ACSL1: variants seen among roughly 807,000 people sequenced by gnomAD.
The protein encoded by ACSL1 is long-chain-fatty-acid--CoA ligase 1.
In ACSL1, 41 loss-of-function variants were observed where a neutral mutation model predicts 98.4. The ratio of observed to expected loss-of-function variants is 0.42; its 90% CI spans 0.32 to 0.54. ACSL1 has a LOEUF of 0.54. Ranked by LOEUF, ACSL1 falls within the 20% of genes least tolerant of loss-of-function variation. The pLI, the probability that ACSL1 is intolerant of heterozygous loss-of-function variation, is 0.13. For missense variants in ACSL1, 734 were observed against 883.1 expected (o/e 0.83, Z 2.14); for synonymous variants, 316 against 322.7 (o/e 0.98, Z 0.22).
intron 1 of ACSL1, among the ~76,000 whole-genome samples, chr4:184,810,653 A>G (rs1320998585): frequency 1.3e-5 from 2 of 152,220 alleles, no homozygotes; most frequent in African/African-American, 2.4e-5. Flanking sequence ...CAAGGCTACT[A>G]GAAGTGCCTC....
At chr4:184,811,064 G>A (rs1772015306) in intron 1 of ACSL1, among the ~76,000 whole-genome samples, 1 of 152,120 alleles carries the variant, frequency 6.6e-6, no homozygotes, top group Non-Finnish European at 1.5e-5. Context: ...TAAACAGAGG[G>A]CATAGGTGAC....
At chr4:184,772,160 A>G (rs1764608199) in intron 10 of ACSL1, among the ~76,000 whole-genome samples, 1 of 152,236 alleles carries the variant, frequency 6.6e-6, no homozygotes, top group Admixed American at 6.5e-5. Context: ...TTGAAGGCCA[A>G]TTAGGAAATT....
intron 2 of ACSL1, among the ~76,000 whole-genome samples, chr4:184,800,796 A>G (rs896540793): frequency 2.6e-5 from 4 of 152,098 alleles, no homozygotes; most frequent in African/African-American, 9.7e-5. Flanking sequence ...CCTGTTCTCT[A>G]ATTTAGGTCT....
intron 1 of ACSL1, among the ~76,000 whole-genome samples, chr4:184,819,555 G>A (rs1442352724): frequency 6.6e-6 from 1 of 152,116 alleles, no homozygotes; most frequent in African/African-American, 2.4e-5. Context: ...CCAGGACACA[G>A]GAAGGTCAGT....
In ACSL1 at chr4:184,820,324, C is replaced by T. The variant is rs149077954; in HGVS notation, c.-33+5592G>A. 8.2e-3 allele frequency among the ~76,000 whole-genome samples: 1,251 copies of T among 152,076 alleles called. 22 individuals carry two copies. The highest frequency in any genetic ancestry group is 0.029 in the African/African-American group (1,199 of 41,514). On this transcript the variant is annotated intron_variant, in intron 1 of 20. Transcript: ENST00000281455. ...GAGCCACTGCACCCGGCCAGTCATG[C>T]GTCTCAATTGTTCTCCAGCCTTACA... is the stretch of plus-strand genomic sequence containing the variant.
chr4:184,783,733 C>T (rs142591239), intron 4 of ACSL1, among the ~76,000 whole-genome samples, 194 bp downstream of exon 4: 1 of 152,350 alleles, frequency 6.6e-6, no homozygotes, highest in East Asian at 1.9e-4. Flanking sequence ...CTTTGAACCA[C>T]CTGTTAAATT....
intron 11 of ACSL1, 34 bp downstream of exon 11, chr4:184,770,361 TACAC>T: frequency 6.2e-7 from 1 of 1,608,478 alleles, no homozygotes; most frequent in Non-Finnish European, 8.5e-7. Flanking sequence ...TAGCAGAACA[TACAC>T]AAACAAGCAA....
intron 1 of ACSL1, among the ~76,000 whole-genome samples, chr4:184,804,087 C>T (rs554700639): frequency 3.9e-5 from 6 of 152,296 alleles, no homozygotes; most frequent in South Asian, 2.1e-4. Flanking sequence ...ACTCCTCACA[C>T]GACAACAGTG....
At position 184,764,900 on chromosome 4, in the gene ACSL1, T is replaced by G; in HGVS notation, c.1385A>C (p.Glu462Ala). Residue 462 changes from glutamate (E) to alanine (A), a missense_variant, in exon 15 of 21, where the codon GAG becomes GCG. Transcript: ENST00000281455. ...CQFYEGYGQTECTAGCCLTMP... is the reference protein window; with the variant it reads ...CQFYEGYGQTACTAGCCLTMP... Reference sequence around the variant, plus strand: ...GGTCAGGCAGCACCCGGCAGTGCACTCTGTCTGTCCGTATCCTTCATAAAA... The same window carrying G: ...GGTCAGGCAGCACCCGGCAGTGCACGCTGTCTGTCCGTATCCTTCATAAAA... The G allele has an allele frequency of 6.2e-7, 1 of 1,613,978 alleles. No individual in the cohort carries two copies. The highest frequency in any genetic ancestry group is 1.1e-5 in the South Asian group (1 of 91,070).
intron 1 of ACSL1, chr4:184,808,533 C>T (rs1438544105): frequency 3.1e-6 from 3 of 983,172 alleles, no homozygotes; most frequent in Non-Finnish European, 2.4e-6. Flanking sequence ...CAAGATGCTG[C>T]CATTCCGTGC....
At chr4:184,805,382 T>TA (rs1771259963) in intron 1 of ACSL1, 1 of 702,948 alleles carries the variant, frequency 1.4e-6, no homozygotes, top group Non-Finnish European at 1.7e-6. Flanking sequence ...TGAATCCATG[T>TA]AAGTGTACTC....
In ACSL1 at chr4:184,757,569, C is replaced by T; in HGVS notation, c.1956+66G>A. 6.9e-7 allele frequency: 1 copy of T among 1,447,680 alleles called. No homozygotes were observed. The highest frequency in any genetic ancestry group is 1.9e-5 in the Admixed American group (1 of 53,368). The allele number at this position is 1,447,680 out of a possible 1,614,324, so 89.7% of individuals were successfully genotyped here. On this transcript the variant is annotated intron_variant, in intron 20 of 20. Coordinates refer to ENST00000281455, the MANE Select transcript of ACSL1 (RefSeq NM_001995.5). This position sits in a 1 kb window ranked among gnomAD's most constrained non-coding sequence, Gnocchi z 4.5. ...TCACCCCATATGTTTATATAATCTACCTGTAAAAAAATCTTAATGGAAAAT... is the reference window on the plus strand; with the variant it reads ...TCACCCCATATGTTTATATAATCTATCTGTAAAAAAATCTTAATGGAAAAT...
intron 4 of ACSL1, among the ~76,000 whole-genome samples, chr4:184,781,854 GC>G (rs1263481090): frequency 6.6e-6 from 1 of 152,196 alleles, no homozygotes; most frequent in South Asian, 2.1e-4. Flanking sequence ...CAGGTGATCT[GC>G]CCCCGTCGGC....
At chr4:184,822,378 C>T (rs1430467248) in intron 1 of ACSL1, among the ~76,000 whole-genome samples, 2 of 152,134 alleles carry the variant, frequency 1.3e-5, no homozygotes, top group African/African-American at 4.8e-5. Flanking sequence ...AATATTTCAC[C>T]CGCCCCTCTT....
chr4:184,803,471 AG>A lies in ACSL1; in HGVS notation c.43del (p.Leu15TrpfsTer37). 6.2e-7 allele frequency: 1 copy of A among 1,609,874 alleles called. No individual in the cohort carries two copies. Among genetic ancestry groups the A allele is most frequent in the East Asian group, 2.2e-5 (1 of 44,768 alleles). On this transcript the variant is annotated frameshift_variant, in exon 2 of 21. Coordinates refer to ENST00000281455, the MANE Select transcript of ACSL1 (RefSeq NM_001995.5). LOFTEE classifies it high-confidence loss of function. The surrounding 1 kb of genome is among the most constrained non-coding windows in gnomAD (Gnocchi z 4.8). ...ELFRYFRMPE[L>X]VDFRQYVRTL... Reference sequence around the variant, plus strand: ...ACGCACGTACTGTCGGAAGTCAACCAGCTCTGGCATTCGAAAATACCGGAAC... The same window carrying A: ...ACGCACGTACTGTCGGAAGTCAACCACTCTGGCATTCGAAAATACCGGAAC...
At chr4:184,783,892 G>A (rs542535013) in intron 4 of ACSL1, 35 bp downstream of exon 4, 5 of 1,583,134 alleles carry the variant, frequency 3.2e-6, no homozygotes, top group Admixed American at 1.7e-5. Context: ...CTGCTTGCAA[G>A]AGGAGTCCAC....
chr4:184,824,157 GCTCT>G (rs1773276567), intron 1 of ACSL1, among the ~76,000 whole-genome samples: 7 of 152,130 alleles, frequency 4.6e-5, no homozygotes, highest in Non-Finnish European at 1.0e-4. Flanking sequence ...ACAGAGTCCT[GCTCT>G]GTTGCCCAGT....
At chr4:184,792,207 A>G (rs1479296686) in intron 2 of ACSL1, among the ~76,000 whole-genome samples, 1 of 152,238 alleles carries the variant, frequency 6.6e-6, no homozygotes. Flanking sequence ...ATTAGCAATT[A>G]GAATAATGAG....
Position 184,757,736 on chromosome 4 carries a change from C to T in ACSL1, c.1885-30G>A, listed in dbSNP as rs569998364. The T allele has an allele frequency of 3.1e-6, 5 of 1,612,530 alleles. No homozygotes were observed. Among genetic ancestry groups the T allele is most frequent in the African/African-American group, 2.7e-5 (2 of 74,974 alleles). ...AAGGGTAAGAAAAATAAATTACTTC[C>T]TCTGTTAGAGGTCCCTGAATATCTA... is the stretch of plus-strand genomic sequence containing the variant. On this transcript the variant is annotated intron_variant, in intron 19 of 20. Transcript: ENST00000281455. The surrounding 1 kb of genome is among the most constrained non-coding windows in gnomAD (Gnocchi z 4.5).
Sources: allele counts gnomAD v4.1 joint callset (sites outside exome capture counted in the v4.1 genomes callset), GRCh38; gene constraint gnomAD v4.1.1; non-coding constraint Gnocchi (gnomAD v3.1); transcripts MANE v1.5; gene names NCBI Gene and HGNC (gene_info 2026-07-23, HGNC 2026-07-21).